The following ATG4C variants were observed in gnomAD, a reference collection of about 807,000 sequenced individuals.
The protein encoded by ATG4C is autophagy related 4C cysteine peptidase.
Under a neutral mutation model 57.6 loss-of-function variants are expected in ATG4C, and 56 were observed. The ratio of observed to expected loss-of-function variants is 0.97; its 90% CI spans 0.78 to 1.21. The LOEUF (loss-of-function observed/expected upper bound fraction) is 1.21, where lower values mean the gene tolerates loss of function less well. ATG4C is among the 50% of genes most tolerant of loss of function. The probability of loss-of-function intolerance (pLI) is 0.00; values close to 1 mark genes in which losing one functional copy is unlikely to be tolerated. For missense variants in ATG4C, 595 were observed against 529.8 expected (o/e 1.12, Z -1.21); for synonymous variants, 157 against 174.1 (o/e 0.90, Z 0.78).
chr1:62,812,324 A>G (rs898991400), intron 3 of ATG4C, among the ~76,000 whole-genome samples: 2 of 152,160 alleles, frequency 1.3e-5, no homozygotes, highest in Non-Finnish European at 2.9e-5. Flanking sequence ...AACATACACA[A>G]ATCAATAAAT....
At chr1:62,792,724 C>T (rs1664320348) in intron 1 of ATG4C, among the ~76,000 whole-genome samples, 1 of 152,060 alleles carries the variant, frequency 6.6e-6, no homozygotes, top group Admixed American at 6.6e-5. Context: ...TAGTACTGAC[C>T]TCCCTTTTCT....
At chr1:62,787,712 T>C (rs942111570) in intron 1 of ATG4C, among the ~76,000 whole-genome samples, 2 of 152,092 alleles carry the variant, frequency 1.3e-5, no homozygotes, top group African/African-American at 4.8e-5. Flanking sequence ...TTATACAGCT[T>C]TTCCAAGCCT....
chr1:62,856,577 C>T (rs1407103557), intron 10 of ATG4C, among the ~76,000 whole-genome samples: 1 of 152,074 alleles, frequency 6.6e-6, no homozygotes, highest in Non-Finnish European at 1.5e-5. Context: ...AGTAATTTGC[C>T]CAGGGTTACA....
At chr1:62,821,381 T>TA (rs1425421153) in intron 6 of ATG4C, among the ~76,000 whole-genome samples, 172 bp downstream of exon 6, 4 of 152,108 alleles carry the variant, frequency 2.6e-5, no homozygotes, top group African/African-American at 9.7e-5. Context: ...ATTGAATACA[T>TA]ACTATGAATT....
chr1:62,827,045 C>T (rs571843949), intron 6 of ATG4C, among the ~76,000 whole-genome samples: 2 of 152,076 alleles, frequency 1.3e-5, no homozygotes, highest in Admixed American at 6.5e-5. Flanking sequence ...GCAGAGCAGC[C>T]CCTTGCCTAT....
intron 10 of ATG4C, among the ~76,000 whole-genome samples, chr1:62,859,097 A>C (rs1444073557): frequency 6.6e-6 from 1 of 152,168 alleles, no homozygotes; most frequent in Non-Finnish European, 1.5e-5. Context: ...GAGTATCCCT[A>C]ATCTGAAAAT....
chr1:62,803,338 C>G (rs1664745012), intron 1 of ATG4C, among the ~76,000 whole-genome samples: 1 of 152,152 alleles, frequency 6.6e-6, no homozygotes. Context: ...AAATCACCTT[C>G]TCTAATGACA....
At chr1:62,804,898 TA>T (rs1325790365) in intron 2 of ATG4C, among the ~76,000 whole-genome samples, 1 of 152,170 alleles carries the variant, frequency 6.6e-6, no homozygotes, top group Non-Finnish European at 1.5e-5. Context: ...TATCTGAAAA[TA>T]AATTAAAATT....
intron 7 of ATG4C, among the ~76,000 whole-genome samples, chr1:62,829,718 C>T (rs1665780566): frequency 6.6e-6 from 1 of 151,862 alleles, no homozygotes; most frequent in South Asian, 2.1e-4. Context: ...TCTTGGAGCA[C>T]ATTGTTTGGT....
intron 1 of ATG4C, among the ~76,000 whole-genome samples, chr1:62,785,655 T>C (rs1434133781): frequency 6.6e-6 from 1 of 152,210 alleles, no homozygotes; most frequent in Non-Finnish European, 1.5e-5. Flanking sequence ...TGCAGCTCGT[T>C]TTCTATTCCA....
intron 9 of ATG4C, 29 bp from the exon 10 acceptor site, chr1:62,841,394 ATAAAT>A: frequency 1.9e-6 from 3 of 1,551,584 alleles, no homozygotes; most frequent in Non-Finnish European, 1.8e-6. Context: ...TCTATCAAAG[ATAAAT>A]TAATCCTAAA....
chr1:62,834,772 G>A lies in ATG4C; in HGVS notation c.1013-4G>A. 6.2e-7 allele frequency: 1 copy of A among 1,609,058 alleles called. No homozygotes were observed. The highest frequency in any genetic ancestry group is 8.5e-7 in the Non-Finnish European group (1 of 1,176,374). On this transcript the variant is annotated splice_polypyrimidine_tract_variant and splice_region_variant and intron_variant, in intron 8 of 10. Transcript: ENST00000317868. ...ATTACTTGTCTTCTGTTTTGTCCTT[G>A]TAGATGACAGTTTGATTTACATGGA... is the stretch of plus-strand genomic sequence containing the variant.
At chr1:62,828,522 T>TTTAA (rs1665739170) in intron 6 of ATG4C, among the ~76,000 whole-genome samples, 1 of 152,204 alleles carries the variant, frequency 6.6e-6, no homozygotes, top group African/African-American at 2.4e-5. Context: ...TGTAAATTTG[T>TTTAA]TTAAGTTCCT....
chr1:62,832,820 A>G (rs1665883172), intron 7 of ATG4C, among the ~76,000 whole-genome samples: 1 of 152,204 alleles, frequency 6.6e-6, no homozygotes, highest in Non-Finnish European at 1.5e-5. Context: ...ATAAAATAGA[A>G]TATTTTTCAG....
At chr1:62,856,725 A>G (rs1221577500) in intron 10 of ATG4C, among the ~76,000 whole-genome samples, 2 of 152,188 alleles carry the variant, frequency 1.3e-5, no homozygotes, top group Non-Finnish European at 1.5e-5. Flanking sequence ...GATAGTTGTC[A>G]GTGGAACTTG....
At chr1:62,815,187 T>G (rs1001784788) in intron 3 of ATG4C, among the ~76,000 whole-genome samples, 3 of 152,178 alleles carry the variant, frequency 2.0e-5, no homozygotes, top group Non-Finnish European at 4.4e-5. Context: ...AAATCTTTTT[T>G]TTTTGTTTTC....
intron 1 of ATG4C, among the ~76,000 whole-genome samples, chr1:62,799,782 C>G (rs936910908): frequency 1.3e-5 from 2 of 152,000 alleles, no homozygotes; most frequent in African/African-American, 4.8e-5. Context: ...CAGTTATGCT[C>G]TTTTAGTTAT....
intron 9 of ATG4C, chr1:62,835,590 C>T (rs1327568746): frequency 6.0e-6 from 1 of 165,994 alleles, no homozygotes; most frequent in East Asian, 1.7e-4. Flanking sequence ...TAGCTGAATA[C>T]TTTGTTTTAG....
intron 6 of ATG4C, among the ~76,000 whole-genome samples, chr1:62,827,027 C>G (rs1472535460): frequency 6.6e-6 from 1 of 152,148 alleles, no homozygotes; most frequent in African/African-American, 2.4e-5. Flanking sequence ...AAAGTTGCTA[C>G]TCCATAGGCA....
Sources: gnomAD v4.1 joint callset for allele counts (sites outside exome capture counted in the v4.1 genomes callset) on GRCh38, gnomAD v4.1.1 for gene constraint, MANE v1.5 for transcripts, NCBI Gene and HGNC (gene_info 2026-07-23, HGNC 2026-07-21) for gene names.